CMSS1: variants seen among roughly 807,000 people sequenced by gnomAD.
The protein encoded by CMSS1 is protein CMSS1.
A neutral mutation model predicts 43.5 loss-of-function variants in CMSS1; 33 were observed. The observed-to-expected ratio is 0.76, with a 90% CI of 0.57 to 1.01. The LOEUF (loss-of-function observed/expected upper bound fraction) is 1.01, where lower values mean the gene tolerates loss of function less well. Ranked by LOEUF, CMSS1 falls within the 50% of genes least tolerant of loss-of-function variation. The probability of loss-of-function intolerance (pLI) is 0.00; values close to 1 mark genes in which losing one functional copy is unlikely to be tolerated. For synonymous variants in CMSS1, 115 were observed against 117.2 expected (o/e 0.98, Z 0.12); for missense variants, 313 against 326.4 (o/e 0.96, Z 0.32).
At chr3:100,125,642 C>G (rs1225263435) in intron 1 of CMSS1, among the ~76,000 whole-genome samples, 1 of 152,190 alleles carries the variant, frequency 6.6e-6, no homozygotes, top group Non-Finnish European at 1.5e-5. Context: ...TTGTCTCTCT[C>G]TTTTAGCTAG....
intron 1 of CMSS1, among the ~76,000 whole-genome samples, chr3:100,087,627 A>G (rs921158735): frequency 6.6e-6 from 1 of 152,036 alleles, no homozygotes; most frequent in Non-Finnish European, 1.5e-5. Flanking sequence ...TCTGAATACA[A>G]TTCTTTTTCA....
chr3:100,102,277 C>T (rs1283002297), intron 1 of CMSS1, among the ~76,000 whole-genome samples: 1 of 152,166 alleles, frequency 6.6e-6, no homozygotes, highest in East Asian at 1.9e-4. Flanking sequence ...TCCTCTCCAG[C>T]ACCTGTTGTT....
intron 1 of CMSS1, among the ~76,000 whole-genome samples, chr3:99,997,776 T>C (rs1331638532): frequency 1.3e-5 from 2 of 152,184 alleles, no homozygotes; most frequent in African/African-American, 4.8e-5. Flanking sequence ...AAAATAAGAA[T>C]AGCATGAGGT....
At chr3:99,936,326 T>G (rs1267116394) in intron 1 of CMSS1, among the ~76,000 whole-genome samples, 1 of 150,238 alleles carries the variant, frequency 6.7e-6, no homozygotes, top group African/African-American at 2.4e-5. Context: ...CTTCCTTTGA[T>G]TAACTCATTT....
At chr3:99,992,014 A>G (rs142713139) in intron 1 of CMSS1, among the ~76,000 whole-genome samples, 2,175 of 148,672 alleles carry the variant, frequency 0.015, 43 homozygotes, top group African/African-American at 0.049. Flanking sequence ...GTGTGTGTGT[A>G]TATATATATA....
rs531880279 is a variant in CMSS1, at chr3:100,126,138, TC to T, written c.65-20833del. On this transcript the variant is annotated intron_variant, in intron 1 of 9. Coordinates refer to ENST00000421999, the MANE Select transcript of CMSS1 (RefSeq NM_032359.4). ...CCATATCCCTGAGTCCTAGAACTGT[TC>T]CTACAGCTAGTGGGCTCACTGGGGT... Among the ~76,000 whole-genome samples, 16 of 152,344 alleles carry T rather than the reference TC, an allele frequency of 1.1e-4. No homozygotes were observed. In the South Asian group the frequency reaches 3.1e-3, roughly 30 times the overall value.
chr3:100,155,264 G>A (rs185928955), intron 2 of CMSS1, among the ~76,000 whole-genome samples: 175 of 152,204 alleles, frequency 1.1e-3, no homozygotes, highest in African/African-American at 4.0e-3. Context: ...TTATGATGAT[G>A]GAAATATTGT....
intron 1 of CMSS1, among the ~76,000 whole-genome samples, chr3:99,903,847 A>G (rs1363032334): frequency 2.0e-5 from 3 of 152,194 alleles, no homozygotes; most frequent in Non-Finnish European, 1.5e-5. Flanking sequence ...TGAGGCAGAA[A>G]TAAGAAATAA....
chr3:99,990,667 C>A (rs1167987496), intron 1 of CMSS1, among the ~76,000 whole-genome samples: 1 of 151,480 alleles, frequency 6.6e-6, no homozygotes, highest in Non-Finnish European at 1.5e-5. Flanking sequence ...AGTATCATTC[C>A]AAAGCCTCCT....
intron 1 of CMSS1, among the ~76,000 whole-genome samples, chr3:99,944,454 A>C (rs1431798852): frequency 6.6e-6 from 1 of 152,224 alleles, no homozygotes; most frequent in Non-Finnish European, 1.5e-5. Context: ...AGACTTTTTT[A>C]ATCCTCTAAC....
rs149879212 is a variant in CMSS1 at position 100,059,568 on chromosome 3, A to C, written c.65-87405A>C. ...CCTCCAAGGGTAGAGGGTGTAGTTC[A>C]GAGGTTGAAGATTCAAACAGCGTTA... On this transcript the variant is annotated intron_variant, in intron 1 of 9. Coordinates refer to ENST00000421999, the MANE Select transcript of CMSS1 (RefSeq NM_032359.4). Among the ~76,000 whole-genome samples the C allele has an allele frequency of 6.4e-3, 979 of 152,192 alleles. 5 individuals carry two copies. Among genetic ancestry groups the C allele is most frequent in the African/African-American group, 0.022 (927 of 41,510 alleles).
intron 1 of CMSS1, among the ~76,000 whole-genome samples, chr3:100,104,701 G>C (rs2107464175): frequency 6.6e-6 from 1 of 152,204 alleles, no homozygotes; most frequent in Non-Finnish European, 1.5e-5. Flanking sequence ...CGATTGCTTT[G>C]GTGATTTGCA....
chr3:99,887,050 T>A (rs1705924570), intron 1 of CMSS1, among the ~76,000 whole-genome samples: 1 of 150,560 alleles, frequency 6.6e-6, no homozygotes, highest in Non-Finnish European at 1.5e-5. Flanking sequence ...GGTGGGTGGA[T>A]CACCTGAGAT....
intron 1 of CMSS1, among the ~76,000 whole-genome samples, chr3:100,069,290 G>A (rs1340662005): frequency 6.6e-6 from 1 of 151,826 alleles, no homozygotes; most frequent in East Asian, 1.9e-4. Context: ...TCTTCATCCT[G>A]TTGTAGGCAT....
chr3:100,166,650 T>C (rs2067068589), intron 5 of CMSS1, among the ~76,000 whole-genome samples: 2 of 152,208 alleles, frequency 1.3e-5, no homozygotes, highest in African/African-American at 2.4e-5. Context: ...GTGTTCCATC[T>C]GTGAGATTCT....
chr3:100,020,760 CTTTTTTTTTTTT>C (rs34665880), intron 1 of CMSS1, among the ~76,000 whole-genome samples: 1 of 70,994 alleles, frequency 1.4e-5, no homozygotes, highest in Non-Finnish European at 2.4e-5. Flanking sequence ...GAATAATTAG[CTTTTTTTTTTTT>C]TTTTTTTTTT....
intron 1 of CMSS1, among the ~76,000 whole-genome samples, chr3:99,944,800 A>G (rs1027770846): frequency 2.6e-5 from 4 of 152,204 alleles, no homozygotes; most frequent in Non-Finnish European, 4.4e-5. Context: ...GACTATATCA[A>G]TAAAATTAAA....
At chr3:99,960,100 G>A (rs929468725) in intron 1 of CMSS1, among the ~76,000 whole-genome samples, 5 of 151,994 alleles carry the variant, frequency 3.3e-5, no homozygotes, top group Admixed American at 1.3e-4. Context: ...GCTCCATCCC[G>A]ACCTGGGTTA....
chr3:100,028,049 C>T (rs1259422660), intron 1 of CMSS1, among the ~76,000 whole-genome samples: 1 of 152,166 alleles, frequency 6.6e-6, no homozygotes, highest in Non-Finnish European at 1.5e-5. Context: ...TTAAATTTTA[C>T]TCTGGCTATT....
Sources: gnomAD v4.1 joint callset for allele counts (sites outside exome capture counted in the v4.1 genomes callset) on GRCh38, gnomAD v4.1.1 for gene constraint, MANE v1.5 for transcripts, NCBI Gene and HGNC (gene_info 2026-07-23, HGNC 2026-07-21) for gene names.